Variants in TTC1 observed in about 807,000 individuals in gnomAD.
The protein encoded by TTC1 is tetratricopeptide repeat protein 1.
Under a neutral mutation model 37.6 loss-of-function variants are expected in TTC1, and 31 were observed. That is an observed-to-expected ratio of 0.82 (90% CI 0.62 to 1.11). The LOEUF is 1.11. Ranked by LOEUF, TTC1 falls within the 50% of genes most tolerant of loss-of-function variation. TTC1 has a pLI of 0.00. For missense variants in TTC1, 351 were observed against 339.0 expected, an observed-to-expected ratio of 1.04 and a Z score of -0.28; for synonymous variants, 127 against 122.4, an observed-to-expected ratio of 1.04 and a Z score of -0.25.
chr5:160,023,458 A>AT (rs902778379), intron 2 of TTC1, among the ~76,000 whole-genome samples: 7 of 151,626 alleles, frequency 4.6e-5, no homozygotes, highest in African/African-American at 1.5e-4. Context: ...CGCCCAGCTA[A>AT]TTTTTTTTAT....
Position 160,065,491 on chromosome 5 carries a change from T to C in TTC1, c.*426T>C, listed in dbSNP as rs930723627. On this transcript the variant is annotated 3_prime_UTR_variant, in exon 8 of 8. Transcript: ENST00000231238. ...TCCCTGATCACACAGCTAACGAGGCTGCCTCCAGCATTTCCTGATTTCCTC... is the reference window on the plus strand; with the variant it reads ...TCCCTGATCACACAGCTAACGAGGCCGCCTCCAGCATTTCCTGATTTCCTC... 8 of 440,588 alleles carry C rather than the reference T, an allele frequency of 1.8e-5. No homozygotes were observed. The highest frequency in any genetic ancestry group is 6.1e-4 in the Middle Eastern group (1 of 1,640). The allele number at this position is 440,588 out of a possible 1,614,324, so 27.3% of individuals were successfully genotyped here. A position where few individuals can be genotyped will look rare whatever the true frequency, so the allele number is the denominator to read the frequency against.
intron 4 of TTC1, 149 bp from the exon 5 acceptor site, chr5:160,042,984 G>A (rs1298031511): frequency 6.4e-6 from 5 of 778,616 alleles, no homozygotes; most frequent in Non-Finnish European, 7.9e-6. Flanking sequence ...GTTTTGTCTT[G>A]GAAGTAACAT....
intron 7 of TTC1, among the ~76,000 whole-genome samples, chr5:160,053,070 A>T (rs1757445812): frequency 6.6e-6 from 1 of 152,146 alleles, no homozygotes; most frequent in African/African-American, 2.4e-5. Flanking sequence ...CTTTACATGG[A>T]ATTTCAGCCC....
intron 4 of TTC1, among the ~76,000 whole-genome samples, chr5:160,037,904 A>G (rs1757023697): frequency 6.6e-6 from 1 of 152,118 alleles, no homozygotes; most frequent in Non-Finnish European, 1.5e-5. Context: ...TGGAAGTGGC[A>G]GTGTTTTCAT....
At chr5:160,028,310 A>AAAT (rs1554095737) in intron 2 of TTC1, among the ~76,000 whole-genome samples, 1 of 151,940 alleles carries the variant, frequency 6.6e-6, no homozygotes, top group African/African-American at 2.4e-5. Context: ...AAAAAAAAAA[A>AAAT]AAAAAAAGTT....
intron 2 of TTC1, among the ~76,000 whole-genome samples, chr5:160,014,205 A>G (rs1756558993): frequency 6.6e-6 from 1 of 151,958 alleles, no homozygotes; most frequent in Non-Finnish European, 1.5e-5. Context: ...CAAAAATTAA[A>G]AAATTAGCCA....
chr5:160,023,047 A>G (rs1756738367), intron 2 of TTC1, among the ~76,000 whole-genome samples: 1 of 152,080 alleles, frequency 6.6e-6, no homozygotes, highest in Admixed American at 6.6e-5. Context: ...CCTGAGGTCA[A>G]GTTTAAGACC....
At chr5:160,025,040 G>T (rs1195961478) in intron 2 of TTC1, among the ~76,000 whole-genome samples, 4 of 151,934 alleles carry the variant, frequency 2.6e-5, no homozygotes, top group South Asian at 4.2e-4. Flanking sequence ...TGTTTTGTTT[G>T]TTTTTGAGAC....
chr5:160,045,509 CACACA>C (rs1561634831), intron 5 of TTC1, among the ~76,000 whole-genome samples: 35 of 76,104 alleles, frequency 4.6e-4, no homozygotes, highest in South Asian at 2.3e-3. Context: ...CACACACACA[CACACA>C]TACACACTCT....
At chr5:160,058,462 G>T (rs1210690063) in intron 7 of TTC1, among the ~76,000 whole-genome samples, 9 of 148,780 alleles carry the variant, frequency 6.0e-5, no homozygotes, top group Non-Finnish European at 1.3e-4. Context: ...CCAGGCTGGA[G>T]TGCAGTGGTG....
intron 5 of TTC1, among the ~76,000 whole-genome samples, chr5:160,043,972 GTTGTT>G (rs1299546159): frequency 5.3e-5 from 8 of 152,116 alleles, no homozygotes; most frequent in Non-Finnish European, 1.2e-4. Context: ...GTGTTTTGGG[GTTGTT>G]TTGTTTTGTT....
At chr5:160,015,853 T>C (rs763701701) in intron 2 of TTC1, among the ~76,000 whole-genome samples, 7 of 152,162 alleles carry the variant, frequency 4.6e-5, no homozygotes, top group Non-Finnish European at 8.8e-5. Context: ...CTTATGAGAC[T>C]AAACTCTTAA....
chr5:160,061,545 C>T (rs1054894076), intron 7 of TTC1, among the ~76,000 whole-genome samples: 2 of 152,128 alleles, frequency 1.3e-5, no homozygotes, highest in African/African-American at 2.4e-5. Flanking sequence ...GTCAGGTGAC[C>T]TTAGGTCTTC....
chr5:160,014,150 C>T (rs1411760296), intron 2 of TTC1, among the ~76,000 whole-genome samples: 1 of 151,182 alleles, frequency 6.6e-6, no homozygotes, highest in Non-Finnish European at 1.5e-5. Context: ...GTCAGGAGTT[C>T]GACCCGAGAC....
At chr5:160,039,133 G>T (rs1374151595) in intron 4 of TTC1, 1 of 152,166 alleles carries the variant, frequency 6.6e-6, no homozygotes, top group African/African-American at 2.4e-5. Flanking sequence ...AGGCAGGTTT[G>T]CAAGCTCAGC....
At chr5:160,044,654 C>T (rs1385851171) in intron 5 of TTC1, among the ~76,000 whole-genome samples, 2 of 152,206 alleles carry the variant, frequency 1.3e-5, no homozygotes, top group Non-Finnish European at 2.9e-5. Flanking sequence ...TCACTTCCAT[C>T]GCCATCTTGG....
At chr5:160,011,924 T>C (rs1359183285) in intron 2 of TTC1, among the ~76,000 whole-genome samples, 2 of 151,518 alleles carry the variant, frequency 1.3e-5, no homozygotes, top group Non-Finnish European at 2.9e-5. Flanking sequence ...TAGCCTGGGG[T>C]GGGTAGGAGC....
intron 7 of TTC1, among the ~76,000 whole-genome samples, chr5:160,062,426 G>A (rs1202294896): frequency 4.6e-5 from 7 of 152,130 alleles, no homozygotes; most frequent in African/African-American, 1.7e-4. Flanking sequence ...TAGCCTCTTC[G>A]TGCCACTGCA....
intron 2 of TTC1, chr5:160,023,840 G>A: frequency 6.2e-7 from 1 of 1,613,646 alleles, no homozygotes; most frequent in Non-Finnish European, 8.5e-7. Context: ...GTCAGAGTCA[G>A]ATGACTTCCA....
Sources: gnomAD v4.1 joint callset for allele counts (sites outside exome capture counted in the v4.1 genomes callset) on GRCh38, gnomAD v4.1.1 for gene constraint, MANE v1.5 for transcripts, NCBI Gene and HGNC (gene_info 2026-07-23, HGNC 2026-07-21) for gene names.